CD99: variants seen among roughly 807,000 people sequenced by gnomAD.
CD99 encodes the protein CD99 antigen.
In CD99, 19 loss-of-function variants were observed where a neutral mutation model predicts 28.4. The observed-to-expected ratio is 0.67, with a 90% CI of 0.47 to 0.98. CD99 has a LOEUF of 0.98. CD99 is among the 50% of genes least tolerant of loss of function. The pLI is 0.00. For missense variants in CD99, 283 were observed against 248.8 expected, an observed-to-expected ratio of 1.14 and a Z score of -0.92; for synonymous variants, 103 against 92.1, an observed-to-expected ratio of 1.12 and a Z score of -0.67.
chrX:2,703,613 T>TAA (rs2047980468), intron 1 of CD99, among the ~76,000 whole-genome samples: 3 of 131,548 alleles, frequency 2.3e-5, no homozygotes, highest in African/African-American at 6.4e-5. Flanking sequence ...TAAGTGTGTG[T>TAA]GTGTGTGTGT....
At chrX:2,704,433 C>A (rs1472088422) in intron 1 of CD99, among the ~76,000 whole-genome samples, 2 of 151,920 alleles carry the variant, frequency 1.3e-5, no homozygotes, top group Non-Finnish European at 2.9e-5. Flanking sequence ...TTTCTTTTTT[C>A]TTTTCTTTCT....
At position 2,714,438 on chromosome X, in the gene CD99, A is replaced by T. The variant is rs1039423290; in HGVS notation, c.84A>T (p.Leu28Phe). Reference protein sequence around the residue: ...LVAAPDGGFDLSDALPDNENK... With the variant: ...LVAAPDGGFDFSDALPDNENK... ...CTCTCTTAGATGGTGGTTTCGATTT[A>T]TCCGATGCCCTTCCTGGTGAGTATC... Residue 28 changes from leucine to phenylalanine, a missense_variant, in exon 2 of 10, where the codon TTA (leucine) becomes TTT (phenylalanine). Transcript: ENST00000381192. 1.2e-6 allele frequency: 2 copies of T among 1,603,470 alleles called. No individual in the cohort carries two copies. Among genetic ancestry groups the T allele is most frequent in the African/African-American group, 2.7e-5 (2 of 74,834 alleles).
At chrX:2,717,742 CAG>C (rs1179846485) in intron 3 of CD99, 90 bp downstream of exon 3, 36 of 1,185,912 alleles carry the variant, frequency 3.0e-5, no homozygotes, top group African/African-American at 4.5e-5. Flanking sequence ...AGAAAGAAGA[CAG>C]AAGTGATTTG....
At chrX:2,703,167 A>G (rs1270952065) in intron 1 of CD99, among the ~76,000 whole-genome samples, 3 of 152,172 alleles carry the variant, frequency 2.0e-5, no homozygotes, top group East Asian at 1.9e-4. Context: ...GCCAGCGCGT[A>G]CTGTCAACAG....
intron 9 of CD99, 73 bp downstream of exon 9, chrX:2,738,329 T>A: frequency 7.1e-7 from 1 of 1,413,578 alleles, no homozygotes; most frequent in Non-Finnish European, 1.0e-6. Context: ...TCCTCTCCCA[T>A]CTTGCTGTCC....
intron 8 of CD99, 189 bp from the exon 9 acceptor site, chrX:2,738,011 T>C (rs1295459898): frequency 4.1e-6 from 3 of 725,250 alleles, no homozygotes; most frequent in East Asian, 5.3e-5. Flanking sequence ...GAAAAAATAC[T>C]GGCAAAGTCT....
chrX:2,725,690 T>G (rs1350894040), intron 7 of CD99, among the ~76,000 whole-genome samples: 3 of 152,198 alleles, frequency 2.0e-5, no homozygotes, highest in Non-Finnish European at 4.4e-5. Context: ...CTCGGCTCAC[T>G]GCAACCTCTG....
chrX:2,703,943 A>ATTC (rs1392657294), intron 1 of CD99, among the ~76,000 whole-genome samples: 1 of 151,648 alleles, frequency 6.6e-6, no homozygotes, highest in African/African-American at 2.4e-5. Flanking sequence ...AGAGCAGGGA[A>ATTC]CCCCGAGCAG....
intron 1 of CD99, among the ~76,000 whole-genome samples, chrX:2,703,605 AGTGTGTGTGT>A (rs556444956): frequency 0.011 from 1,500 of 138,486 alleles, 31 homozygotes; most frequent in African/African-American, 0.034. Context: ...CGAGCTGTTA[AGTGTGTGTGT>A]GTGTGTGTGT....
chrX:2,736,498 C>G (rs1201011511), intron 8 of CD99, among the ~76,000 whole-genome samples: 1 of 152,028 alleles, frequency 6.6e-6, no homozygotes, highest in Non-Finnish European at 1.5e-5. Context: ...GAAGCGACAC[C>G]GACAACATTT....
chrX:2,703,948 G>A (rs1158707362), intron 1 of CD99, among the ~76,000 whole-genome samples: 1 of 152,042 alleles, frequency 6.6e-6, no homozygotes, highest in Non-Finnish European at 1.5e-5. Flanking sequence ...AGGGAACCCC[G>A]AGCAGCCCTG....
chrX:2,716,766 C>G (rs1015836093), intron 2 of CD99, among the ~76,000 whole-genome samples: 4 of 152,164 alleles, frequency 2.6e-5, no homozygotes, highest in Non-Finnish European at 5.9e-5. Flanking sequence ...CCTTCTTGGC[C>G]CTTGGGAACA....
intron 8 of CD99, among the ~76,000 whole-genome samples, chrX:2,737,347 T>C (rs1298272913): frequency 2.0e-5 from 3 of 148,610 alleles, no homozygotes; most frequent in Non-Finnish European, 4.5e-5. Flanking sequence ...CCAGCTAATT[T>C]TTGTATTTTT....
At chrX:2,733,385 A>C (rs2049775830) in intron 8 of CD99, 3 of 1,592,906 alleles carry the variant, frequency 1.9e-6, no homozygotes, top group Non-Finnish European at 2.6e-6. Flanking sequence ...GTGAGCAGAG[A>C]ACCCAGCCCA....
At chrX:2,704,683 A>T (rs1187081561) in intron 1 of CD99, among the ~76,000 whole-genome samples, 1 of 152,048 alleles carries the variant, frequency 6.6e-6, no homozygotes, top group South Asian at 2.1e-4. Flanking sequence ...TCAACCTCCC[A>T]AAGTGTTGGG....
chrX:2,706,488 A>G (rs2048124493), intron 1 of CD99, among the ~76,000 whole-genome samples: 1 of 152,170 alleles, frequency 6.6e-6, no homozygotes, highest in Non-Finnish European at 1.5e-5. Flanking sequence ...ATGTCCTGAA[A>G]GTTTCGTGTT....
intron 2 of CD99, among the ~76,000 whole-genome samples, chrX:2,716,076 T>C (rs1373370880): frequency 6.6e-6 from 1 of 150,798 alleles, no homozygotes; most frequent in Non-Finnish European, 1.5e-5. Context: ...TGGAGTGCAG[T>C]GGCACGATCT....
At position 2,722,650 on chromosome X, in the gene CD99, G is replaced by A. The variant is rs758392765; in HGVS notation, c.286G>A (p.Ala96Thr). The change falls in exon 6 of 10, where the codon GCG becomes ACG. Residue 96 changes from alanine (A) to threonine (T), a missense_variant. Physicochemically the swap from Ala to Thr is moderately conservative, Grantham distance 58. Coordinates refer to ENST00000381192, the MANE Select transcript of CD99 (RefSeq NM_002414.5). The stretch of plus-strand genomic sequence containing the variant: ...AGGTAGCTTTTCAGATGCTGACCTT[G>A]CGGATGGCGTTTCAGGTGGAGAAGG... ...SSGSFSDADL[A>T]DGVSGGEGKG... The A allele has an allele frequency of 9.3e-6, 15 of 1,613,838 alleles. No individual in the cohort carries two copies. Among genetic ancestry groups the A allele is most frequent in the Non-Finnish European group, 1.2e-5 (14 of 1,179,878 alleles).
At chrX:2,733,898 C>A (rs2049803792) in intron 8 of CD99, among the ~76,000 whole-genome samples, 3 of 152,228 alleles carry the variant, frequency 2.0e-5, no homozygotes, top group Non-Finnish European at 4.4e-5. Flanking sequence ...GTTCTTAACT[C>A]TTTCTGTGAT....
Sources: allele counts gnomAD v4.1 joint callset (sites outside exome capture counted in the v4.1 genomes callset), GRCh38; gene constraint gnomAD v4.1.1; transcripts MANE v1.5; gene names NCBI Gene and HGNC (gene_info 2026-07-23, HGNC 2026-07-21).